Variants in RBFOX1 observed in about 807,000 individuals in gnomAD.
RBFOX1 encodes RNA binding protein fox-1 homolog 1.
Under a neutral mutation model 57.7 loss-of-function variants are expected in RBFOX1, and 8 were observed. The observed-to-expected ratio is 0.14, with a 90% CI of 0.08 to 0.25. RBFOX1 has a LOEUF of 0.25. Ranked by LOEUF, RBFOX1 falls within the 10% of genes least tolerant of loss-of-function variation. The pLI is 1.00. For synonymous variants in RBFOX1, 326 were observed against 222.4 expected (o/e 1.47, Z -4.15); for missense variants, 611 against 548.5 (o/e 1.11, Z -1.14).
At chr16:6,746,698 GTC>G (rs1010453368) in intron 3 of RBFOX1, among the ~76,000 whole-genome samples, 15 of 151,898 alleles carry the variant, frequency 9.9e-5, no homozygotes, top group Middle Eastern at 3.4e-3. Flanking sequence ...AAAAAGTGTT[GTC>G]TTATTAATCC....
intron 10 of RBFOX1, among the ~76,000 whole-genome samples, chr16:7,622,422 A>G (rs2059449928): frequency 2.0e-5 from 3 of 152,208 alleles, no homozygotes; most frequent in Non-Finnish European, 2.9e-5. Context: ...ATTAAGTTAA[A>G]TATTTCCTGT....
intron 4 of RBFOX1, among the ~76,000 whole-genome samples, chr16:7,395,960 A>T (rs929518682): frequency 1.3e-5 from 2 of 152,146 alleles, no homozygotes; most frequent in Non-Finnish European, 1.5e-5. Context: ...AATTAAGATA[A>T]TTATGTGTTG....
At chr16:7,262,794 C>A (rs762238139) in intron 4 of RBFOX1, among the ~76,000 whole-genome samples, 1 of 152,234 alleles carries the variant, frequency 6.6e-6, no homozygotes, top group Admixed American at 6.5e-5. Context: ...GCTCAGGAAT[C>A]CAATTCTTTT....
intron 4 of RBFOX1, among the ~76,000 whole-genome samples, chr16:7,213,458 A>G (rs1354006419): frequency 1.3e-5 from 2 of 152,318 alleles, no homozygotes; most frequent in South Asian, 2.1e-4. Context: ...TGGTCCATGA[A>G]TCAGACTTTA....
chr16:7,675,353 T>A (rs1159455468), intron 13 of RBFOX1, among the ~76,000 whole-genome samples: 1 of 151,958 alleles, frequency 6.6e-6, no homozygotes, highest in Non-Finnish European at 1.5e-5. Context: ...CCAGGTGGCA[T>A]CTGGCTAAGA....
At chr16:7,247,585 A>C (rs2094351997) in intron 4 of RBFOX1, among the ~76,000 whole-genome samples, 1 of 152,222 alleles carries the variant, frequency 6.6e-6, no homozygotes, top group Admixed American at 6.5e-5. Flanking sequence ...AAAAGCTAAA[A>C]GCCCCCAGGT....
chr16:7,134,888 G>A (rs541460133), intron 4 of RBFOX1, among the ~76,000 whole-genome samples: 235 of 150,602 alleles, frequency 1.6e-3, no homozygotes, highest in Non-Finnish European at 2.5e-3. Flanking sequence ...CTGTGAGGCA[G>A]CATTCTTTGG....
At chr16:5,889,480 G>GTTCTATCATTGATGGAAATTT (rs1340196252) in intron 4 of RBFOX1, among the ~76,000 whole-genome samples, 1 of 152,112 alleles carries the variant, frequency 6.6e-6, no homozygotes, top group African/African-American at 2.4e-5. Flanking sequence ...TGGGCATTTG[G>GTTCTATCATTGATGGAAATTT]GTTGATTTCA....
chr16:7,355,410 C>A (rs1245960177), intron 4 of RBFOX1, among the ~76,000 whole-genome samples: 3 of 152,148 alleles, frequency 2.0e-5, no homozygotes, highest in Non-Finnish European at 4.4e-5. Flanking sequence ...CCCCTTTCTC[C>A]TGTCCTACCT....
At chr16:5,780,634 T>C (rs1006705864) in intron 3 of RBFOX1, among the ~76,000 whole-genome samples, 7 of 152,158 alleles carry the variant, frequency 4.6e-5, no homozygotes, top group Non-Finnish European at 1.0e-4. Flanking sequence ...TAACTTTTCA[T>C]AGGCAAAGTA....
At chr16:7,508,202 T>G (rs1291084194) in intron 4 of RBFOX1, among the ~76,000 whole-genome samples, 1 of 151,536 alleles carries the variant, frequency 6.6e-6, no homozygotes, top group African/African-American at 2.4e-5. Context: ...GGCCTCAAAG[T>G]CCTGACCTCA....
At chr16:7,311,788 T>A (rs918591140) in intron 4 of RBFOX1, among the ~76,000 whole-genome samples, 1 of 152,242 alleles carries the variant, frequency 6.6e-6, no homozygotes, top group African/African-American at 2.4e-5. Flanking sequence ...TATCATGGTA[T>A]CAGCCTTCCC....
At chr16:7,211,025 A>T (rs2091019342) in intron 4 of RBFOX1, among the ~76,000 whole-genome samples, 1 of 150,566 alleles carries the variant, frequency 6.6e-6, no homozygotes, top group Non-Finnish European at 1.5e-5. Context: ...TTCACTCTGT[A>T]TGTGGAAGTC....
intron 4 of RBFOX1, among the ~76,000 whole-genome samples, chr16:7,117,056 C>G (rs1032626646): frequency 6.6e-6 from 1 of 152,014 alleles, no homozygotes; most frequent in African/African-American, 2.4e-5. Context: ...TTTTGTCAAA[C>G]ATCAGCTATA....
At chr16:6,443,532 G>A (rs1359233608) in intron 2 of RBFOX1, among the ~76,000 whole-genome samples, 2 of 152,116 alleles carry the variant, frequency 1.3e-5, no homozygotes, top group Admixed American at 1.3e-4. Flanking sequence ...GTGAGCAGGA[G>A]CCTTAACAAT....
At chr16:7,307,980 A>G (rs2096231361) in intron 4 of RBFOX1, among the ~76,000 whole-genome samples, 1 of 152,342 alleles carries the variant, frequency 6.6e-6, no homozygotes, top group South Asian at 2.1e-4. Context: ...TCCACGTTCC[A>G]AAGTAAGTAC....
chr16:6,108,336 A>G (rs2152568770), intron 1 of RBFOX1, among the ~76,000 whole-genome samples: 1 of 152,228 alleles, frequency 6.6e-6, no homozygotes, highest in South Asian at 2.1e-4. Context: ...TCGTGTGACA[A>G]TGGATCTCTG....
intron 1 of RBFOX1, among the ~76,000 whole-genome samples, chr16:5,352,484 T>G (rs1031593168): frequency 6.6e-6 from 1 of 152,236 alleles, no homozygotes; most frequent in African/African-American, 2.4e-5. Flanking sequence ...TCTTGCACTC[T>G]CTGTCTCTTT....
At chr16:5,990,663 C>T (rs111756904) in intron 4 of RBFOX1, among the ~76,000 whole-genome samples, 3 of 152,180 alleles carry the variant, frequency 2.0e-5, no homozygotes, top group African/African-American at 7.2e-5. Context: ...GGGAGGGAGG[C>T]TTGTAAAGAG....
Sources: gnomAD v4.1 joint callset for allele counts (sites outside exome capture counted in the v4.1 genomes callset) on GRCh38, gnomAD v4.1.1 for gene constraint, MANE v1.5 for transcripts, NCBI Gene and HGNC (gene_info 2026-07-23, HGNC 2026-07-21) for gene names.